BRCA2: variants seen among roughly 807,000 people sequenced by gnomAD.
BRCA2 encodes the protein BRCA2 DNA repair associated.
In BRCA2, 203 loss-of-function variants were observed where a neutral mutation model predicts 276.7. The observed-to-expected ratio is 0.73, with a 90% CI of 0.65 to 0.82. BRCA2 has a LOEUF of 0.82. BRCA2 is among the 40% of genes least tolerant of loss of function. BRCA2 has a pLI of 0.00. For synonymous variants in BRCA2, 1,289 were observed against 1,338.4 expected, an observed-to-expected ratio of 0.96 and a Z score of 0.81; for missense variants, 3,920 against 3,915.0, an observed-to-expected ratio of 1.00 and a Z score of -0.03.
rs773112850 is a variant in BRCA2 at position 32,398,248 on chromosome 13, A to G, written c.9735A>G (p.Ser3245=). The change falls in exon 27 of 27, where the codon TCA becomes TCG. Residue 3245 remains serine, a synonymous_variant. Transcript: ENST00000380152. ...AKRKSVSTPV[S]AQMTSKSCKG... ...GGAAGTCTGTTTCCACACCTGTCTC[A>G]GCCCAGATGACTTCAAAGTCTTGTA... 3.1e-6 allele frequency: 5 copies of G among 1,614,124 alleles called. No homozygotes were observed. The highest frequency in any genetic ancestry group is 4.2e-6 in the Non-Finnish European group (5 of 1,180,008).
chr13:32,356,360 G>A lies in BRCA2; in HGVS notation c.7436-68G>A. On this transcript the variant is annotated intron_variant, in intron 14 of 26. Transcript: ENST00000380152. ...GCTGGGATTACAGGCGTGAGCCACT[G>A]TGCCTGGCCAGGGGTTGTGCTTTTT... 4 of 1,511,456 alleles carry A rather than the reference G, an allele frequency of 2.6e-6. No homozygotes were observed. In the Admixed American group the frequency reaches 6.7e-5, roughly 25 times the overall value. The allele number at this position is 1,511,456 out of a possible 1,614,324, so 93.6% of individuals were successfully genotyped here.
chr13:32,394,819 A>G lies in BRCA2; in HGVS notation c.9387A>G (p.Pro3129=), dbSNP rs1373868621. 2 of 1,614,068 alleles carry G rather than the reference A, an allele frequency of 1.2e-6. No individual in the cohort carries two copies. Among genetic ancestry groups the G allele is most frequent in the Non-Finnish European group, 1.7e-6 (2 of 1,180,012 alleles). ...LIAASNLQWR[P]ESKSGLLTLF... ...CTGCAAGCAACCTCCAGTGGCGACC[A>G]GAATCCAAATCAGGCCTTCTTACTT... Residue 3129 remains proline, a synonymous_variant, in exon 25 of 27, where the codon CCA becomes CCG. Transcript: ENST00000380152.
intron 6 of BRCA2, 106 bp downstream of exon 6, chr13:32,326,388 T>C (rs2137451315): frequency 2.1e-6 from 3 of 1,453,346 alleles, no homozygotes; most frequent in Non-Finnish European, 2.9e-6. Flanking sequence ...GCATTCTGCC[T>C]CATACAGGCA....
rs1566229958 is a variant in BRCA2 at position 32,338,608 on chromosome 13, TAA to T, written c.4256_4257del (p.Lys1419ArgfsTer3). On this transcript the variant is annotated frameshift_variant, in exon 11 of 27. Transcript: ENST00000380152. LOFTEE classifies it high-confidence loss of function. ...ACTGCTACTAAAACGGAGCAAAATA[TAA>T]AAGATTTTGAGACTTCTGATACATT... 2 of 1,596,782 alleles carry T rather than the reference TAA, an allele frequency of 1.3e-6. No homozygotes were observed. Among genetic ancestry groups the T allele is most frequent in the South Asian group, 2.3e-5 (2 of 88,106 alleles).
Position 32,339,460 on chromosome 13 carries a change from CAGAA to C in BRCA2, c.5110_5113del (p.Arg1704Ter), listed in dbSNP as rs879254123. On this transcript the variant is annotated frameshift_variant, in exon 11 of 27. Transcript: ENST00000380152. LOFTEE classifies it high-confidence loss of function. ...AGAGAAGGAATATTTGATGGTCAAC[CAGAA>C]AGAATAAATACTGCAGATTATGTAG... 2 of 1,586,624 alleles carry C rather than the reference CAGAA, an allele frequency of 1.3e-6. No individual in the cohort carries two copies. Among genetic ancestry groups the C allele is most frequent in the Non-Finnish European group, 8.6e-7 (1 of 1,167,570 alleles).
Position 32,380,085 on chromosome 13 carries a change from C to T in BRCA2, c.9196C>T (p.Gln3066Ter), listed in dbSNP as rs80359180. 3.7e-6 allele frequency: 6 copies of T among 1,614,068 alleles called. No individual in the cohort carries two copies. The highest frequency in any genetic ancestry group is 5.1e-6 in the Non-Finnish European group (6 of 1,179,990). Residue 3066 changes from glutamine to a stop codon, truncating the protein, a stop_gained, in exon 24 of 27, where the codon CAG (glutamine) becomes TAG (stop). Coordinates refer to ENST00000380152, the MANE Select transcript of BRCA2 (RefSeq NM_000059.4). LOFTEE classifies it high-confidence loss of function. ...HFSKFLDPDF[Q>*]PSCSEVDLIG... is the part of the protein sequence containing the mutation. ...CAGCAAATTTTTAGATCCAGACTTT[C>T]AGCCATCTTGTTCTGAGGTGGACCT... is the stretch of plus-strand genomic sequence containing the variant.
chr13:32,339,634 C>G lies in BRCA2; in HGVS notation c.5279C>G (p.Ser1760Ter), dbSNP rs80358751. 3.7e-6 allele frequency: 6 copies of G among 1,612,070 alleles called. No individual in the cohort carries two copies. The highest frequency in any genetic ancestry group is 4.2e-6 in the Non-Finnish European group (5 of 1,178,548). Residue 1760 changes from serine (S) to a stop codon, truncating the protein, a stop_gained, in exon 11 of 27, where the codon TCA (serine) becomes TGA (stop). Transcript: ENST00000380152. LOFTEE classifies it high-confidence loss of function. The part of the protein sequence containing the change: ...SYHSDEVYND[S>*]GYLSKNKLDS... ...CATTCTGATGAGGTATATAATGATT[C>G]AGGATATCTCTCAAAAAATAAACTT...
Position 32,348,194 on chromosome 13 carries a change from A to C in BRCA2, c.7007+1298A>C, listed in dbSNP as rs11571686. 0.087 allele frequency among the ~76,000 whole-genome samples: 13,170 copies of C among 152,158 alleles called. 785 individuals are homozygous for C. The highest frequency in any genetic ancestry group is 0.12 in the Non-Finnish European group (7,933 of 67,994). ...ACAGAATAAAATGAAAAAAGGTATG[A>C]AAAGTCAATTCTGTGGATCTATCAT... On this transcript the variant is annotated intron_variant, in intron 13 of 26. Transcript: ENST00000380152.
rs863224597 is a variant in BRCA2 at position 32,356,470 on chromosome 13, T to G, written c.7478T>G (p.Met2493Arg). The G allele has an allele frequency of 1.2e-6, 2 of 1,614,006 alleles. No homozygotes were observed. The highest frequency in any genetic ancestry group is 2.2e-5 in the South Asian group (2 of 91,090). The change falls in exon 15 of 27, where the codon ATG becomes AGG. Residue 2493 changes from methionine (M) to arginine (R), a missense_variant. Coordinates refer to ENST00000380152, the MANE Select transcript of BRCA2 (RefSeq NM_000059.4). ...CAGAATGCCAGAGATATACAGGATATGCGAATTAAGAAGAAACAAAGGCAA... is the reference window on the plus strand; with the variant it reads ...CAGAATGCCAGAGATATACAGGATAGGCGAATTAAGAAGAAACAAAGGCAA... ...SLQNARDIQD[M>R]RIKKKQRQRV...
intron 16 of BRCA2, among the ~76,000 whole-genome samples, chr13:32,359,003 C>T (rs1486513660): frequency 6.6e-6 from 1 of 151,838 alleles, no homozygotes; most frequent in Non-Finnish European, 1.5e-5. Context: ...GGGCAGATCA[C>T]CTGAGGTCAG....
chr13:32,394,673 T>C lies in BRCA2; in HGVS notation c.9257-16T>C, dbSNP rs11571818. On this transcript the variant is annotated splice_polypyrimidine_tract_variant and intron_variant, in intron 24 of 26. Coordinates refer to ENST00000380152, the MANE Select transcript of BRCA2 (RefSeq NM_000059.4). ...CACATCTATAATAACATTCTTTTCTTTTTTTTCCATTCTAGGACTTGCCCC... is the reference window on the plus strand; with the variant it reads ...CACATCTATAATAACATTCTTTTCTCTTTTTTCCATTCTAGGACTTGCCCC... The C allele has an allele frequency of 7.9e-3, 12,676 of 1,609,366 alleles. 72 individuals carry two copies. Among genetic ancestry groups the C allele is most frequent in the Non-Finnish European group, 8.9e-3 (10,519 of 1,177,164 alleles).
At chr13:32,372,099 A>G (rs1194845665) in intron 20 of BRCA2, among the ~76,000 whole-genome samples, 1 of 152,186 alleles carries the variant, frequency 6.6e-6, no homozygotes, top group Admixed American at 6.5e-5. Flanking sequence ...TTTTCCTTTC[A>G]TGAAAGATTT....
intron 7 of BRCA2, among the ~76,000 whole-genome samples, chr13:32,328,148 C>T (rs2072363654): frequency 6.6e-6 from 1 of 151,812 alleles, no homozygotes; most frequent in Non-Finnish European, 1.5e-5. Flanking sequence ...TTCATCTAAA[C>T]AAATGCATCA....
chr13:32,315,176 G>A (rs1305618584), upstream of BRCA2: 3 of 152,320 alleles, frequency 2.0e-5, no homozygotes, highest in African/African-American at 7.2e-5. Flanking sequence ...TAGGTCCCAG[G>A]TCGTGTCCCG....
At chr13:32,375,357 G>C (rs2072863845) in intron 20 of BRCA2, 1 of 450,978 alleles carries the variant, frequency 2.2e-6, no homozygotes. Flanking sequence ...TTCCTCCACT[G>C]AAGTCTTGAA....
Position 32,337,990 on chromosome 13 carries a change from A to T in BRCA2, c.3635A>T (p.Asn1212Ile), listed in dbSNP as rs80358609. 3.1e-6 allele frequency: 5 copies of T among 1,613,444 alleles called. No homozygotes were observed. In the Admixed American group the frequency reaches 8.3e-5, roughly 27 times the overall value. ...GCTTCTGGTTATTTAACAGATGAAAATGAAGTGGGGTTTAGGGGCTTTTAT... is the reference window on the plus strand; with the variant it reads ...GCTTCTGGTTATTTAACAGATGAAATTGAAGTGGGGTTTAGGGGCTTTTAT... ...KSASGYLTDENEVGFRGFYSA... is the reference protein window; with the variant it reads ...KSASGYLTDEIEVGFRGFYSA... Residue 1212 changes from asparagine to isoleucine, a missense_variant, in exon 11 of 27, where the codon AAT becomes ATT. Around this residue, in one of 2 missense-constraint regions of BRCA2, gnomAD observed 3,263 missense variants for 3,156.9 expected, o/e 1.03. Coordinates refer to ENST00000380152, the MANE Select transcript of BRCA2 (RefSeq NM_000059.4).
rs563713362 is a variant in BRCA2, at chr13:32,358,336, C to T, written c.7805+407C>T. ...ACTAAAAGTACAAGAACTATCTGGG[C>T]GTGGTGGCAGGCACCTGTAATCCCG... On this transcript the variant is annotated intron_variant, in intron 16 of 26. Transcript: ENST00000380152. 8.6e-5 allele frequency among the ~76,000 whole-genome samples: 13 copies of T among 151,144 alleles called. No homozygotes were observed. The South Asian group carries it at 1.7e-3, about 19-fold the overall frequency.
In BRCA2 at chr13:32,332,689, A is replaced by T. The variant is rs80358414; in HGVS notation, c.1211A>T (p.Asn404Ile). 6.2e-7 allele frequency: 1 copy of T among 1,613,914 alleles called. No individual in the cohort carries two copies. The highest frequency in any genetic ancestry group is 1.7e-5 in the Admixed American group (1 of 59,982). Residue 404 changes from asparagine (N) to isoleucine (I), a missense_variant, in exon 10 of 27, where the codon AAT becomes ATT. Physicochemically the swap from Asn to Ile is moderately radical, Grantham distance 149. Around this residue, in one of 2 missense-constraint regions of BRCA2, gnomAD observed 3,263 missense variants for 3,156.9 expected, o/e 1.03. Coordinates refer to ENST00000380152, the MANE Select transcript of BRCA2 (RefSeq NM_000059.4). ...EWSQLTLSGL[N>I]GAQMEKIPLL... Reference sequence around the variant, plus strand: ...TCTCAACTAACCCTTTCAGGTCTAAATGGAGCCCAGATGGAGAAAATACCC... The same window carrying T: ...TCTCAACTAACCCTTTCAGGTCTAATTGGAGCCCAGATGGAGAAAATACCC...
intron 13 of BRCA2, among the ~76,000 whole-genome samples, chr13:32,349,147 T>C (rs2072630259): frequency 1.3e-5 from 2 of 151,028 alleles, no homozygotes; most frequent in African/African-American, 2.4e-5. Flanking sequence ...GCTTGAACCT[T>C]TGAGGTGGAG....
Sources: allele counts gnomAD v4.1 joint callset (sites outside exome capture counted in the v4.1 genomes callset), GRCh38; gene constraint gnomAD v4.1.1; regional missense constraint gnomAD v4.1.1; transcripts MANE v1.5; gene names NCBI Gene and HGNC (gene_info 2026-07-23, HGNC 2026-07-21).